Variants in PRLR observed in about 807,000 individuals in gnomAD.
The protein encoded by PRLR is prolactin receptor.
PRLR carries 13 observed loss-of-function variants against 40.2 expected under a neutral mutation model. The ratio of observed to expected loss-of-function variants is 0.32; its 90% CI spans 0.21 to 0.51. PRLR has a LOEUF of 0.51. PRLR is among the 20% of genes least tolerant of loss of function. PRLR has a pLI of 0.97. For synonymous variants in PRLR, 269 were observed against 278.7 expected, an observed-to-expected ratio of 0.97 and a Z score of 0.35; for missense variants, 656 against 747.3, an observed-to-expected ratio of 0.88 and a Z score of 1.42.
At chr5:35,052,494 C>G (rs73091118), downstream of PRLR, among the ~76,000 whole-genome samples, 7,565 of 152,258 alleles carry the variant, frequency 0.05, 226 homozygotes, top group South Asian at 0.13. Context: ...CAGCAGTTCT[C>G]TTTGACCTGC....
intron 1 of PRLR, among the ~76,000 whole-genome samples, chr5:35,198,315 A>G (rs1426162439): frequency 6.6e-6 from 1 of 152,206 alleles, no homozygotes; most frequent in Non-Finnish European, 1.5e-5. Flanking sequence ...TCCACTTGCC[A>G]AAGTAAACAA....
chr5:35,208,416 T>G (rs55924102), intron 1 of PRLR, among the ~76,000 whole-genome samples: 14,640 of 152,240 alleles, frequency 0.096, 916 homozygotes, highest in Non-Finnish European at 0.13. Flanking sequence ...TAGTATACTA[T>G]TTTATAATGA....
chr5:35,112,647 C>T (rs2111659348), intron 2 of PRLR, among the ~76,000 whole-genome samples: 1 of 152,262 alleles, frequency 6.6e-6, no homozygotes, highest in South Asian at 2.1e-4. Flanking sequence ...ACATTACTAC[C>T]AGTCCCAAAG....
chr5:35,121,905 A>G (rs1043669608), intron 1 of PRLR, among the ~76,000 whole-genome samples: 2 of 152,192 alleles, frequency 1.3e-5, no homozygotes, highest in Non-Finnish European at 2.9e-5. Flanking sequence ...TTGGTTGCCT[A>G]CTATTTGCCA....
At chr5:35,117,994 TG>T in intron 2 of PRLR, 66 bp downstream of exon 2, 1 of 843,644 alleles carries the variant, frequency 1.2e-6, no homozygotes, top group Admixed American at 6.2e-5. Flanking sequence ...GCCCCTGCCC[TG>T]GATGAAACGG....
rs377079579 is a variant in PRLR at position 35,138,853 on chromosome 5, GA to G, written c.-105-20732del. Among the ~76,000 whole-genome samples the G allele has an allele frequency of 5.2e-3, 785 of 151,840 alleles. 6 individuals carry two copies. Among genetic ancestry groups the G allele is most frequent in the African/African-American group, 0.018 (734 of 41,412 alleles). ...CTGCCATTACTTTATTTACTACCAA[GA>G]AAAAAAATCTTCCAGTTAAATCATG... is the stretch of plus-strand genomic sequence containing the variant. On this transcript the variant is annotated intron_variant, in intron 1 of 9. Coordinates refer to ENST00000618457, the MANE Select transcript of PRLR (RefSeq NM_000949.7).
At chr5:35,105,634 TG>T (rs1378150325) in intron 2 of PRLR, among the ~76,000 whole-genome samples, 1 of 151,940 alleles carries the variant, frequency 6.6e-6, no homozygotes, top group African/African-American at 2.4e-5. Context: ...TATCAGTGAC[TG>T]AAGATCAAAT....
intron 1 of PRLR, among the ~76,000 whole-genome samples, chr5:35,162,579 A>G (rs1319709825): frequency 1.3e-5 from 2 of 152,234 alleles, no homozygotes; most frequent in African/African-American, 4.8e-5. Flanking sequence ...AGAGATTGCT[A>G]CTTGGGACTG....
intron 1 of PRLR, among the ~76,000 whole-genome samples, chr5:35,196,918 TC>T (rs1775751442): frequency 6.6e-6 from 1 of 152,194 alleles, no homozygotes; most frequent in Admixed American, 6.5e-5. Flanking sequence ...ACTGCTGACT[TC>T]CTGTTGTAAC....
At chr5:35,127,207 C>T (rs1463844400) in intron 1 of PRLR, among the ~76,000 whole-genome samples, 2 of 152,190 alleles carry the variant, frequency 1.3e-5, no homozygotes, top group African/African-American at 4.8e-5. Flanking sequence ...CCTGCTGTAG[C>T]TTGGCTTCAC....
intron 1 of PRLR, among the ~76,000 whole-genome samples, chr5:35,194,516 A>C (rs1386522466): frequency 6.6e-6 from 1 of 152,028 alleles, no homozygotes; most frequent in African/African-American, 2.4e-5. Context: ...TCTGCCTTCT[A>C]TCTTGCTGGA....
intron 1 of PRLR, among the ~76,000 whole-genome samples, chr5:35,124,477 AGGAGGCAGGAGGC>A (rs1238661475): frequency 2.0e-5 from 3 of 152,198 alleles, no homozygotes; most frequent in Non-Finnish European, 2.9e-5. Flanking sequence ...CTATGACTGT[AGGAGGCAGGAGGC>A]TTACAGTTTT....
At chr5:35,151,643 T>C (rs1279268854) in intron 1 of PRLR, among the ~76,000 whole-genome samples, 2 of 151,994 alleles carry the variant, frequency 1.3e-5, no homozygotes, top group African/African-American at 4.8e-5. Flanking sequence ...CTCTGCATGC[T>C]CCCTCTCAGA....
chr5:35,090,532 T>G (rs1771131280), intron 2 of PRLR, among the ~76,000 whole-genome samples: 1 of 152,128 alleles, frequency 6.6e-6, no homozygotes, highest in South Asian at 2.1e-4. Context: ...TAAGTGTAAA[T>G]TCTTAGAAAT....
At position 35,068,865 on chromosome 5, in the gene PRLR, ATT is replaced by A; in HGVS notation, c.697_698del (p.Asn233Ter). The A allele has an allele frequency of 1.2e-6, 2 of 1,611,670 alleles. No homozygotes were observed. The highest frequency in any genetic ancestry group is 1.7e-6 in the Non-Finnish European group (2 of 1,177,814). Reference protein sequence around the residue: ...FIQIPSDFTMNDTTVWISVAV... With the variant: ...FIQIPSDFTMXDTTVWISVAV... ...CCACAGAGATCCACACGGTTGTATCATTCATGGTGAAGTCTAAAAAACAAACA... is the reference window on the plus strand; with the variant it reads ...CCACAGAGATCCACACGGTTGTATCACATGGTGAAGTCTAAAAAACAAACA... On this transcript the variant is annotated frameshift_variant, in exon 8 of 10. Transcript: ENST00000618457. LOFTEE classifies it high-confidence loss of function.
In PRLR at chr5:35,059,228, A is replaced by G. The variant is rs1768895166; in HGVS notation, c.*5861T>C. The G allele has an allele frequency of 6.6e-6, 1 of 152,020 alleles. No individual in the cohort carries two copies. The highest frequency in any genetic ancestry group is 1.5e-5 in the Non-Finnish European group (1 of 68,022). The allele number at this position is 152,020 out of a possible 1,614,324, so 9.4% of individuals were successfully genotyped here. On this transcript the variant is annotated 3_prime_UTR_variant, in exon 10 of 10. Coordinates refer to ENST00000618457, the MANE Select transcript of PRLR (RefSeq NM_000949.7). ...TTAATCAGCAGCAAGCAGAATGTTA[A>G]TTAATAGTCTAAGATGATCTGAGAG...
Position 35,089,649 on chromosome 5 carries a change from T to C in PRLR, c.-29A>G, listed in dbSNP as rs771265193. 3.1e-6 allele frequency: 5 copies of C among 1,613,262 alleles called. No homozygotes were observed. The East Asian group carries it at 8.9e-5, about 29-fold the overall frequency. Reference sequence around the variant, plus strand: ...GGCTGCCTTCTCTTGCTGCAGGAAATGTATCAGAAGTTCACTGGAAGAGAA... The same window carrying C: ...GGCTGCCTTCTCTTGCTGCAGGAAACGTATCAGAAGTTCACTGGAAGAGAA... On this transcript the variant is annotated 5_prime_UTR_variant, in exon 3 of 10. Coordinates refer to ENST00000618457, the MANE Select transcript of PRLR (RefSeq NM_000949.7).
intron 1 of PRLR, among the ~76,000 whole-genome samples, chr5:35,143,945 G>A (rs575425812): frequency 6.6e-6 from 1 of 151,388 alleles, no homozygotes; most frequent in South Asian, 2.1e-4. Context: ...TCATGGGCCC[G>A]ATCATAATTT....
chr5:35,052,501 CT>C (rs1485302400), downstream of PRLR, among the ~76,000 whole-genome samples: 1 of 152,160 alleles, frequency 6.6e-6, no homozygotes, highest in African/African-American at 2.4e-5. Flanking sequence ...TCTCTTTGAC[CT>C]GCTGCCCTCC....
Sources: allele counts gnomAD v4.1 joint callset (sites outside exome capture counted in the v4.1 genomes callset), GRCh38; gene constraint gnomAD v4.1.1; transcripts MANE v1.5; gene names NCBI Gene and HGNC (gene_info 2026-07-23, HGNC 2026-07-21).